Variants in EED observed in about 807,000 individuals in gnomAD.
The protein encoded by EED is polycomb protein EED.
EED carries 9 observed loss-of-function variants against 61.0 expected under a neutral mutation model. That is an observed-to-expected ratio of 0.15 (90% CI 0.09 to 0.26). EED has a LOEUF of 0.26. Ranked by LOEUF, EED falls within the 10% of genes least tolerant of loss-of-function variation. EED has a pLI of 1.00. For synonymous variants in EED, 187 were observed against 174.4 expected (o/e 1.07, Z -0.57); for missense variants, 315 against 542.3 (o/e 0.58, Z 4.16).
downstream of EED, among the ~76,000 whole-genome samples, chr11:86,281,663 C>T (rs537495753): frequency 5.3e-5 from 8 of 152,192 alleles, no homozygotes; most frequent in African/African-American, 1.4e-4. Context: ...TTTCTAGAGT[C>T]GGGGTCTTGC....
intron 1 of EED, among the ~76,000 whole-genome samples, chr11:86,249,849 C>T (rs976716988): frequency 6.6e-6 from 1 of 152,226 alleles, no homozygotes; most frequent in Non-Finnish European, 1.5e-5. Context: ...GCTCCATGCT[C>T]CAGACTGAGC....
At chr11:86,255,127 T>G in intron 3 of EED, 95 bp from the exon 4 acceptor site, 1 of 969,018 alleles carries the variant, frequency 1.0e-6, no homozygotes, top group Non-Finnish European at 1.6e-6. Context: ...TGTAGTATAT[T>G]TAAGATAGGA....
intron 7 of EED, chr11:86,264,534 A>G: frequency 3.5e-6 from 1 of 287,740 alleles, no homozygotes; most frequent in Admixed American, 5.0e-5. Context: ...CTTTTAATCT[A>G]AAATCACTAA....
Position 86,245,003 on chromosome 11 carries a change from A to C in EED, c.-227A>C. 10 of 429,528 alleles carry C rather than the reference A, an allele frequency of 2.3e-5. No homozygotes were observed. Among genetic ancestry groups the C allele is most frequent in the Non-Finnish European group, 2.5e-5 (6 of 239,790 alleles). 26.6% of individuals were successfully genotyped at this position (429,528 alleles called of 1,614,324 possible). A position where few individuals can be genotyped will look rare whatever the true frequency, so the allele number is the denominator to read the frequency against. On this transcript the variant is annotated 5_prime_UTR_variant, in exon 1 of 12. Coordinates refer to ENST00000263360, the MANE Select transcript of EED (RefSeq NM_003797.5). ...CGGGAGTTGGGGAAGGGAAGGAGCC[A>C]GGAAGCCGCGCGGGAGGGCGCGCGC...
At chr11:86,269,692 T>C (rs1593760839) in intron 9 of EED, among the ~76,000 whole-genome samples, 1 of 152,350 alleles carries the variant, frequency 6.6e-6, no homozygotes, top group East Asian at 1.9e-4. Context: ...TTGACACTGG[T>C]ACAATGTGTG....
At chr11:86,251,340 G>T (rs182565992) in intron 2 of EED, among the ~76,000 whole-genome samples, 1 of 152,130 alleles carries the variant, frequency 6.6e-6, no homozygotes, top group Non-Finnish European at 1.5e-5. Flanking sequence ...TTACATTAAC[G>T]TACTACTTTT....
downstream of EED, among the ~76,000 whole-genome samples, chr11:86,281,382 A>G (rs1276839093): frequency 6.6e-6 from 1 of 151,444 alleles, no homozygotes; most frequent in African/African-American, 2.4e-5. Flanking sequence ...AGGGTTTGTC[A>G]ATTTTGTTTA....
At position 86,245,239 on chromosome 11, in the gene EED, A is replaced by T; in HGVS notation, c.10A>T (p.Arg4Trp). The T allele has an allele frequency of 6.2e-7, 1 of 1,612,946 alleles. No individual in the cohort carries two copies. ...AGGGAGGCGGAGGAATATGTCCGAG[A>T]GGGAAGTGTCGACTGCGCCGGCGGG... is the stretch of plus-strand genomic sequence containing the variant. MSEREVSTAPAGTD... is the reference protein window; with the variant it reads MSEWEVSTAPAGTD... The change falls in exon 1 of 12, where the codon AGG becomes TGG. Residue 4 changes from arginine to tryptophan, a missense_variant. Arg to Trp is a moderately radical substitution (Grantham distance 101). This residue lies in a region of EED where 110 missense variants were observed against 86.9 expected (regional missense o/e 1.27). Coordinates refer to ENST00000263360, the MANE Select transcript of EED (RefSeq NM_003797.5).
chr11:86,276,938 C>A, intron 9 of EED, 42 bp from the exon 10 acceptor site: 1 of 1,428,870 alleles, frequency 7.0e-7, no homozygotes, highest in South Asian at 1.7e-5. Flanking sequence ...AGATTCAGTT[C>A]CTCATTAACA....
intron 8 of EED, among the ~76,000 whole-genome samples, chr11:86,266,776 A>C (rs913357529): frequency 1.3e-5 from 2 of 152,114 alleles, no homozygotes; most frequent in Admixed American, 6.5e-5. Context: ...TATATTTTTG[A>C]AATGTCTCAA....
At chr11:86,264,439 ATATT>A in intron 7 of EED, 176 bp downstream of exon 7, 1 of 416,778 alleles carries the variant, frequency 2.4e-6, no homozygotes, top group Non-Finnish European at 4.3e-6. Context: ...AGTAAAGACT[ATATT>A]TATTTATTTA....
chr11:86,264,146 G>C, intron 6 of EED, 26 bp from the exon 7 acceptor site: 5 of 1,552,754 alleles, frequency 3.2e-6, no homozygotes, highest in African/African-American at 1.4e-5. Context: ...AAAAACATTC[G>C]CCTAATTTTT....
downstream of EED, among the ~76,000 whole-genome samples, chr11:86,279,699 A>C (rs185958148): frequency 6.6e-5 from 10 of 152,302 alleles, no homozygotes. Context: ...TTTAGTTTTG[A>C]TATCTTGTAC....
chr11:86,269,915 C>T (rs115207305), intron 9 of EED, among the ~76,000 whole-genome samples: 2,028 of 152,198 alleles, frequency 0.013, 49 homozygotes, highest in African/African-American at 0.047. Context: ...AGGTTTTGGT[C>T]ATTTCCAGTT....
At position 86,276,909 on chromosome 11, in the gene EED, G is replaced by A. The variant is rs1565706041; in HGVS notation, c.967-71G>A. ...CTGTGAATTCCAAAACAATAGAAAA[G>A]CCTTGTTTTTACTTTGTAAGATTCA... On this transcript the variant is annotated intron_variant, in intron 9 of 11. Coordinates refer to ENST00000263360, the MANE Select transcript of EED (RefSeq NM_003797.5). The A allele has an allele frequency of 3.0e-6, 4 of 1,330,482 alleles. No individual in the cohort carries two copies. The East Asian group carries it at 1.0e-4, about 33-fold the overall frequency. 82.4% of individuals were successfully genotyped at this position (1,330,482 alleles called of 1,614,324 possible). A position where few individuals can be genotyped will look rare whatever the true frequency, so the allele number is the denominator to read the frequency against.
rs143232284 is a variant in EED, at chr11:86,250,445, C to T, written c.264C>T (p.Leu88=). ...CKYSFKCVNS[L]KEDHNQPLFG... is the part of the protein sequence containing the mutation. ...ATTCTTTCAAATGTGTAAATAGTCT[C>T]AAGGTATGTGCAAAAAAAGATCCTT... The change falls in exon 2 of 12, where the codon CTC becomes CTT. Residue 88 remains leucine, a synonymous_variant. Transcript: ENST00000263360. The T allele has an allele frequency of 1.4e-4, 226 of 1,585,082 alleles. 2 individuals are homozygous for T. The South Asian group carries it at 1.6e-3, about 11-fold the overall frequency.
chr11:86,255,527 C>T (rs1007751744), intron 4 of EED, among the ~76,000 whole-genome samples: 2 of 152,012 alleles, frequency 1.3e-5, no homozygotes, highest in African/African-American at 2.4e-5. Context: ...GATGGATGTG[C>T]TGGTTGGGTG....
intron 8 of EED, among the ~76,000 whole-genome samples, chr11:86,267,567 A>T (rs1276897802): frequency 6.6e-6 from 1 of 152,070 alleles, no homozygotes; most frequent in African/African-American, 2.4e-5. Flanking sequence ...TAAATACAGA[A>T]ATTATTTGGA....
At position 86,245,133 on chromosome 11, in the gene EED, C is replaced by A. The variant is rs1038718876; in HGVS notation, c.-97C>A. On this transcript the variant is annotated 5_prime_UTR_variant, in exon 1 of 12. Transcript: ENST00000263360. ...GGGGCGGTGGAGGTGGCGGCGGCAG[C>A]GGCAACTTTGCGGCAAGCTCGGGCC... is the stretch of plus-strand genomic sequence containing the variant. 8.4e-5 allele frequency: 79 copies of A among 935,720 alleles called. No individual in the cohort carries two copies. In the African/African-American group the frequency reaches 1.2e-3, roughly 14 times the overall value. 58.0% of individuals were successfully genotyped at this position (935,720 alleles called of 1,614,324 possible). A position where few individuals can be genotyped will look rare whatever the true frequency, so the allele number is the denominator to read the frequency against.
Sources: gnomAD v4.1 joint callset for allele counts (sites outside exome capture counted in the v4.1 genomes callset) on GRCh38, gnomAD v4.1.1 for gene constraint, gnomAD v4.1.1 regional missense constraint, MANE v1.5 for transcripts, NCBI Gene and HGNC (gene_info 2026-07-23, HGNC 2026-07-21) for gene names.